Variants in ALDH7A1 observed in about 807,000 individuals in gnomAD.
The protein encoded by ALDH7A1 is alpha-aminoadipic semialdehyde dehydrogenase.
Under a neutral mutation model 79.9 loss-of-function variants are expected in ALDH7A1, and 63 were observed. The ratio of observed to expected loss-of-function variants is 0.79; its 90% CI spans 0.64 to 0.97. The LOEUF (loss-of-function observed/expected upper bound fraction) is 0.97. Among genes scored for constraint, ALDH7A1 ranks in the 50% least tolerant of loss-of-function variants. The pLI, the probability that ALDH7A1 is intolerant of heterozygous loss-of-function variation, is 0.00. For missense variants in ALDH7A1, 627 were observed against 665.2 expected (o/e 0.94, Z 0.63); for synonymous variants, 240 against 231.2 (o/e 1.04, Z -0.34).
chr5:126,583,863 T>G, intron 4 of ALDH7A1, 69 bp downstream of exon 4: 1 of 1,306,340 alleles, frequency 7.7e-7, no homozygotes, highest in South Asian at 1.2e-5. Context: ...CACAATTTTA[T>G]ATATAGAAAA....
intron 3 of ALDH7A1, among the ~76,000 whole-genome samples, chr5:126,590,814 G>A (rs545123106): frequency 1.4e-4 from 21 of 151,866 alleles, no homozygotes; most frequent in Middle Eastern, 6.8e-3. Flanking sequence ...AGGCCCAGAA[G>A]GCAGAGGTTA....
At chr5:126,577,437 T>C (rs1292492394) in intron 5 of ALDH7A1, among the ~76,000 whole-genome samples, 2 of 152,160 alleles carry the variant, frequency 1.3e-5, no homozygotes, top group African/African-American at 2.4e-5. Context: ...CTGATCTTCA[T>C]AGGAACTCTG....
intron 16 of ALDH7A1, among the ~76,000 whole-genome samples, chr5:126,546,788 ATC>A (rs1749801515): frequency 6.6e-6 from 1 of 152,132 alleles, no homozygotes; most frequent in Non-Finnish European, 1.5e-5. Flanking sequence ...TGTCTTCTTT[ATC>A]TCTCTCAATA....
chr5:126,589,253 G>T (rs1350270295), intron 3 of ALDH7A1, among the ~76,000 whole-genome samples: 3 of 152,036 alleles, frequency 2.0e-5, no homozygotes, highest in Non-Finnish European at 4.4e-5. Flanking sequence ...GGCCTCCCAG[G>T]TTCAAGTGAT....
chr5:126,554,413 G>C lies in ALDH7A1; in HGVS notation c.1094-20C>G, dbSNP rs113775968. On this transcript the variant is annotated intron_variant, in intron 12 of 17. Coordinates refer to ENST00000409134, the MANE Select transcript of ALDH7A1 (RefSeq NM_001182.5). ...CATTAGCTGGAGAGAGAAAAGGAAG[G>C]CTGGCTCATCATTTTGCCCTTTATG... is the stretch of plus-strand genomic sequence containing the variant. 1.2e-3 allele frequency: 1,852 copies of C among 1,605,078 alleles called. 16 individuals carry two copies. The African/African-American group carries it at 0.02, about 17-fold the overall frequency.
intron 7 of ALDH7A1, among the ~76,000 whole-genome samples, chr5:126,574,023 CAAAAAAAAAAAA>C (rs34601459): frequency 8.7e-5 from 5 of 57,234 alleles, no homozygotes; most frequent in African/African-American, 2.0e-4. Context: ...AAGACTGTCT[CAAAAAAAAAAAA>C]AAAAAAAAAA....
chr5:126,563,802 T>A (rs1750481298), intron 9 of ALDH7A1, among the ~76,000 whole-genome samples: 5 of 152,140 alleles, frequency 3.3e-5, no homozygotes, highest in Admixed American at 3.3e-4. Flanking sequence ...ACCATTTTTT[T>A]TTCTTTCTTT....
chr5:126,543,703 G>A lies in ALDH7A1; in HGVS notation c.*1262C>T, dbSNP rs1749689436. On this transcript the variant is annotated 3_prime_UTR_variant, in exon 18 of 18. Coordinates refer to ENST00000409134, the MANE Select transcript of ALDH7A1 (RefSeq NM_001182.5). Reference sequence around the variant, plus strand: ...CCATTCTAACCTGGCAGGAGTAGAGGGGTGCCATGCAGAAGGGGAGCAGAG... The same window carrying A: ...CCATTCTAACCTGGCAGGAGTAGAGAGGTGCCATGCAGAAGGGGAGCAGAG... The A allele has an allele frequency of 6.6e-6, 1 of 152,206 alleles. No individual in the cohort carries two copies. The highest frequency in any genetic ancestry group is 1.5e-5 in the Non-Finnish European group (1 of 68,076). The allele number at this position is 152,206 out of a possible 1,614,324, so 9.4% of individuals were successfully genotyped here. A position where few individuals can be genotyped will look rare whatever the true frequency, so the allele number is the denominator to read the frequency against.
At chr5:126,578,638 C>CAAAAAA (rs70994880) in intron 5 of ALDH7A1, among the ~76,000 whole-genome samples, 5 of 90,382 alleles carry the variant, frequency 5.5e-5, no homozygotes, top group African/African-American at 1.7e-4. Context: ...GACCCTGTAT[C>CAAAAAA]AAAAAAAAAA....
At chr5:126,562,531 A>G (rs28865092) in intron 9 of ALDH7A1, 120,245 of 151,768 alleles carry the variant, frequency 0.79, 48,012 homozygotes, top group East Asian at 0.91. Context: ...CCTTAAAAAG[A>G]AAATCCTACT....
intron 10 of ALDH7A1, 61 bp from the exon 11 acceptor site, chr5:126,559,395 G>C (rs1257895328): frequency 8.1e-7 from 1 of 1,234,828 alleles, no homozygotes; most frequent in Admixed American, 1.7e-5. Flanking sequence ...GTATTTGTTA[G>C]CTGGTATAAA....
At chr5:126,549,113 CAG>C (rs1459810305) in intron 16 of ALDH7A1, among the ~76,000 whole-genome samples, 1 of 140,784 alleles carries the variant, frequency 7.1e-6, no homozygotes, top group South Asian at 2.3e-4. Context: ...AATAGTCAAT[CAG>C]AGAGAGCAGG....
chr5:126,559,105 T>A (rs2112768057), intron 11 of ALDH7A1, 135 bp downstream of exon 11: 1 of 732,222 alleles, frequency 1.4e-6, no homozygotes, highest in Non-Finnish European at 2.4e-6. Context: ...GAAAGAGAAC[T>A]GGACCACATA....
chr5:126,556,933 C>A (rs1750215663), intron 11 of ALDH7A1, among the ~76,000 whole-genome samples: 1 of 152,102 alleles, frequency 6.6e-6, no homozygotes, highest in Non-Finnish European at 1.5e-5. Context: ...TTACTGCTAA[C>A]TCTAAGGAAA....
chr5:126,544,880 T>G lies in ALDH7A1; in HGVS notation c.*85A>C. 8.8e-7 allele frequency: 1 copy of G among 1,140,500 alleles called. No individual in the cohort carries two copies. Among genetic ancestry groups the G allele is most frequent in the Non-Finnish European group, 1.3e-6 (1 of 757,740 alleles). The allele number at this position is 1,140,500 out of a possible 1,614,324, so 70.6% of individuals were successfully genotyped here. ...GTCACAGTCATAATAATGCATTTAT[T>G]CAGGGAAAACTTTAATTTTCTTTGT... is the stretch of plus-strand genomic sequence containing the variant. On this transcript the variant is annotated 3_prime_UTR_variant, in exon 18 of 18. Coordinates refer to ENST00000409134, the MANE Select transcript of ALDH7A1 (RefSeq NM_001182.5).
At chr5:126,563,499 CT>C (rs1486375122) in intron 9 of ALDH7A1, among the ~76,000 whole-genome samples, 2 of 151,950 alleles carry the variant, frequency 1.3e-5, no homozygotes, top group South Asian at 4.1e-4. Flanking sequence ...GAATGCCATT[CT>C]TTTTTTTCAG....
chr5:126,566,718 T>C (rs888436422), intron 9 of ALDH7A1, among the ~76,000 whole-genome samples: 1 of 152,196 alleles, frequency 6.6e-6, no homozygotes, highest in African/African-American at 2.4e-5. Context: ...TATGGATACA[T>C]ATGGATCCAT....
intron 11 of ALDH7A1, among the ~76,000 whole-genome samples, chr5:126,556,522 G>T (rs1750201486): frequency 6.6e-6 from 1 of 152,202 alleles, no homozygotes; most frequent in African/African-American, 2.4e-5. Context: ...GGGATTACAG[G>T]TGTGAGCCAC....
At chr5:126,573,606 G>A (rs530367853) in intron 7 of ALDH7A1, among the ~76,000 whole-genome samples, 1 of 151,724 alleles carries the variant, frequency 6.6e-6, no homozygotes, top group South Asian at 2.1e-4. Context: ...GCTGAAGCAG[G>A]AGAATCGCTT....
Sources: allele counts gnomAD v4.1 joint callset (sites outside exome capture counted in the v4.1 genomes callset), GRCh38; gene constraint gnomAD v4.1.1; transcripts MANE v1.5; gene names NCBI Gene and HGNC (gene_info 2026-07-23, HGNC 2026-07-21).